The following ATP5F1B variants were observed in gnomAD, a reference collection of about 807,000 sequenced individuals.
The protein encoded by ATP5F1B is ATP synthase F(1) complex subunit beta, mitochondrial.
Under a neutral mutation model 45.9 loss-of-function variants are expected in ATP5F1B, and 17 were observed. The ratio of observed to expected loss-of-function variants is 0.37; its 90% confidence interval spans 0.25 to 0.56. The LOEUF (loss-of-function observed/expected upper bound fraction) is 0.56, where lower values mean the gene tolerates loss of function less well. Among genes scored for constraint, ATP5F1B ranks in the 20% least tolerant of loss-of-function variants. The pLI, the probability that ATP5F1B is intolerant of heterozygous loss-of-function variation, is 0.80. For synonymous variants in ATP5F1B, 218 were observed against 256.5 expected (o/e 0.85, Z 1.43); for missense variants, 387 against 673.2 (o/e 0.57, Z 4.70).
chr12:56,640,276 T>G, intron 7 of ATP5F1B, 84 bp from the exon 8 acceptor site: 1 of 1,169,804 alleles, frequency 8.5e-7, no homozygotes, highest in Non-Finnish European at 1.2e-6. Context: ...TCGCCCAGGC[T>G]GGAGTGCAGT....
At chr12:56,642,045 G>A in intron 7 of ATP5F1B, among the ~76,000 whole-genome samples, 1 of 151,726 alleles carries the variant, frequency 6.6e-6, no homozygotes. Context: ...CACCCAGGCT[G>A]GAGTGCAGTG....
intron 1 of ATP5F1B, 141 bp from the exon 2 acceptor site, chr12:56,645,494 G>A (rs76715516): frequency 2.9e-6 from 3 of 1,043,956 alleles, no homozygotes; most frequent in African/African-American, 3.2e-5. Flanking sequence ...GTCCAAGAGG[G>A]AAGGCCGCGC....
chr12:56,642,510 G>A lies in ATP5F1B; in HGVS notation c.1022C>T (p.Thr341Ile). 1 of 1,614,072 alleles carries A rather than the reference G, an allele frequency of 6.2e-7. No homozygotes were observed. The highest frequency in any genetic ancestry group is 1.1e-5 in the South Asian group (1 of 91,068). ...YQPTLATDMG[T>I]MQERITTTKK... The stretch of plus-strand genomic sequence containing the variant: ...GGTAGTGGTAATTCTTTCCTGCATA[G>A]TACCCATGTCAGTGGCCAGGGTAGG... The change falls in exon 7 of 10, where the codon ACT (threonine) becomes ATT (isoleucine). Residue 341 changes from threonine to isoleucine, a missense_variant. Thr to Ile is a moderately conservative substitution (Grantham distance 89). Coordinates refer to ENST00000262030, the MANE Select transcript of ATP5F1B (RefSeq NM_001686.4).
intron 7 of ATP5F1B, 71 bp from the exon 8 acceptor site, chr12:56,640,263 C>CT (rs1164257256): frequency 1.5e-6 from 2 of 1,352,350 alleles, no homozygotes; most frequent in Admixed American, 4.2e-5. Flanking sequence ...GGGTCTCGCT[C>CT]TGTCGCCCAG....
chr12:56,643,601 A>G lies in ATP5F1B; in HGVS notation c.608-14T>C. The G allele has an allele frequency of 6.2e-7, 1 of 1,613,594 alleles. No homozygotes were observed. The highest frequency in any genetic ancestry group is 1.1e-5 in the South Asian group (1 of 91,046). Reference sequence around the variant, plus strand: ...CACCAAAAAGCCCTATAAGAGGTTGAAAAGAAAGAATATTTAAGAGTTCTG... The same window carrying G: ...CACCAAAAAGCCCTATAAGAGGTTGGAAAGAAAGAATATTTAAGAGTTCTG... On this transcript the variant is annotated splice_polypyrimidine_tract_variant and intron_variant, in intron 4 of 9. Transcript: ENST00000262030.
chr12:56,643,983 T>C, intron 3 of ATP5F1B, 25 bp from the exon 4 acceptor site: 1 of 1,610,972 alleles, frequency 6.2e-7, no homozygotes, highest in Non-Finnish European at 8.5e-7. Flanking sequence ...GAGAGGATAG[T>C]ATCTATTCAC....
intron 2 of ATP5F1B, 83 bp from the exon 3 acceptor site, chr12:56,645,038 C>T (rs1951539647): frequency 1.2e-6 from 2 of 1,607,080 alleles, no homozygotes; most frequent in Admixed American, 3.3e-5. Flanking sequence ...CTTCTCAGTA[C>T]CTAAATGTGG....
chr12:56,640,660 C>T (rs1951504862), intron 7 of ATP5F1B, among the ~76,000 whole-genome samples: 2 of 152,188 alleles, frequency 1.3e-5, no homozygotes, highest in Admixed American at 6.5e-5. Context: ...ATTATCTGGT[C>T]TCTCAGCCAT....
At chr12:56,642,982 G>T in intron 5 of ATP5F1B, 151 bp from the exon 6 acceptor site, 1 of 765,348 alleles carries the variant, frequency 1.3e-6, no homozygotes, top group Non-Finnish European at 2.0e-6. Context: ...TAGAGATGCA[G>T]TTCAAAAAAA....
chr12:56,639,052 T>C lies in ATP5F1B; in HGVS notation c.1489+54A>G, dbSNP rs528471806. The C allele has an allele frequency of 3.9e-6, 6 of 1,546,720 alleles. No individual in the cohort carries two copies. The African/African-American group carries it at 8.2e-5, about 21-fold the overall frequency. ...TATTACATATATTGCTTGACGGTTG[T>C]TGGAATGGGACCACAGCACAGTAAA... On this transcript the variant is annotated intron_variant, in intron 9 of 9. Transcript: ENST00000262030.
intron 1 of ATP5F1B, 81 bp from the exon 2 acceptor site, chr12:56,645,434 G>T: frequency 6.9e-7 from 1 of 1,455,920 alleles, no homozygotes; most frequent in Non-Finnish European, 9.2e-7. Flanking sequence ...CACACAAGGA[G>T]AGGAAAACTC....
At chr12:56,639,844 G>A in intron 8 of ATP5F1B, 136 bp downstream of exon 8, 2 of 792,586 alleles carry the variant, frequency 2.5e-6, no homozygotes, top group South Asian at 3.5e-5. Context: ...GACCTCATTA[G>A]CTCTCACTAG....
chr12:56,642,696 G>A lies in ATP5F1B; in HGVS notation c.928C>T (p.Arg310Cys). The A allele has an allele frequency of 1.2e-6, 2 of 1,614,182 alleles. No individual in the cohort carries two copies. Among genetic ancestry groups the A allele is most frequent in the African/African-American group, 1.3e-5 (1 of 75,042 alleles). Residue 310 changes from arginine to cysteine, a missense_variant, in exon 6 of 10, where the codon CGC (arginine) becomes TGC (cysteine). Around this residue, in one of 6 missense-constraint regions of ATP5F1B, gnomAD observed 154 missense variants for 361.4 expected, o/e 0.43. Coordinates refer to ENST00000262030, the MANE Select transcript of ATP5F1B (RefSeq NM_001686.4). ...ACCTCTGAACCAGCCTGGGTGAAGC[G>A]AAAGATGTTATCAATAAATAGCAGT... ...DVLLFIDNIF[R>C]FTQAGSEVSA...
At chr12:56,639,366 A>T (rs748228519) in intron 8 of ATP5F1B, 59 bp from the exon 9 acceptor site, 36 of 1,534,760 alleles carry the variant, frequency 2.3e-5, no homozygotes, top group Non-Finnish European at 2.9e-5. Flanking sequence ...GGACAAGCTA[A>T]CAAAGGGAAA....
chr12:56,638,228 T>C lies in ATP5F1B; in HGVS notation c.*95A>G. 3 of 990,484 alleles carry C rather than the reference T, an allele frequency of 3.0e-6. No homozygotes were observed. Among genetic ancestry groups the C allele is most frequent in the Admixed American group, 4.5e-5 (2 of 44,426 alleles). The allele number at this position is 990,484 out of a possible 1,614,324, so 61.4% of individuals were successfully genotyped here. A position where few individuals can be genotyped will look rare whatever the true frequency, so the allele number is the denominator to read the frequency against. ...CCTTAAATACTGTTCAGAAAGAATA[T>C]ATCTTCAATCAAGGCTCTTGTGCAG... On this transcript the variant is annotated 3_prime_UTR_variant, in exon 10 of 10. Transcript: ENST00000262030.
chr12:56,641,363 CAAAAA>C, intron 7 of ATP5F1B, among the ~76,000 whole-genome samples: 1 of 61,720 alleles, frequency 1.6e-5, no homozygotes, highest in East Asian at 4.1e-4. Context: ...AACTCCGTCT[CAAAAA>C]AAAAAAAAAA....
chr12:56,639,060 G>A (rs771709386), intron 9 of ATP5F1B, 46 bp downstream of exon 9: 2 of 1,570,100 alleles, frequency 1.3e-6, no homozygotes, highest in Non-Finnish European at 1.8e-6. Context: ...TGTTGGAATG[G>A]GACCACAGCA....
At position 56,642,662 on chromosome 12, in the gene ATP5F1B, T is replaced by G. The variant is rs369008512; in HGVS notation, c.951+11A>C. Reference sequence around the variant, plus strand: ...CAGATGAACCAGGTCCTCTCAAGCCTTCCCTCTTACCTCTGAACCAGCCTG... The same window carrying G: ...CAGATGAACCAGGTCCTCTCAAGCCGTCCCTCTTACCTCTGAACCAGCCTG... On this transcript the variant is annotated intron_variant, in intron 6 of 9. Transcript: ENST00000262030. 46 of 1,614,038 alleles carry G rather than the reference T, an allele frequency of 2.8e-5. No homozygotes were observed. Among genetic ancestry groups the G allele is most frequent in the Non-Finnish European group, 3.6e-5 (42 of 1,180,006 alleles).
intron 8 of ATP5F1B, 36 bp downstream of exon 8, chr12:56,639,944 T>C: frequency 5.0e-6 from 8 of 1,609,800 alleles, no homozygotes; most frequent in Non-Finnish European, 6.8e-6. Context: ...TCTTTTTGAC[T>C]TTCCGGACAC....
Sources: gnomAD v4.1 joint callset for allele counts (sites outside exome capture counted in the v4.1 genomes callset) on GRCh38, gnomAD v4.1.1 for gene constraint, gnomAD v4.1.1 regional missense constraint, MANE v1.5 for transcripts, NCBI Gene and HGNC (gene_info 2026-07-23, HGNC 2026-07-21) for gene names.